The following PCDHGA1 variants were observed in gnomAD, a reference collection of about 807,000 sequenced individuals.
PCDHGA1 encodes the protein protocadherin gamma-A1.
In PCDHGA1, 32 loss-of-function variants were observed where a neutral mutation model predicts 58.0. The observed-to-expected ratio is 0.55, with a 90% CI of 0.42 to 0.74. The LOEUF (loss-of-function observed/expected upper bound fraction) is 0.74. Among genes scored for constraint, PCDHGA1 ranks in the 30% least tolerant of loss-of-function variants. The pLI, the probability that PCDHGA1 is intolerant of heterozygous loss-of-function variation, is 0.00. For synonymous variants in PCDHGA1, 498 were observed against 501.1 expected (o/e 0.99, Z 0.08); for missense variants, 1,205 against 1,182.3 (o/e 1.02, Z -0.28).
At chr5:141,356,833 A>G in intron 1 of PCDHGA1, 1 of 1,614,124 alleles carries the variant, frequency 6.2e-7, no homozygotes, top group South Asian at 1.1e-5. Context: ...ACTCAGCAGC[A>G]ATGTGTCACT....
chr5:141,339,712 C>T, intron 1 of PCDHGA1: 2 of 1,614,166 alleles, frequency 1.2e-6, no homozygotes, highest in African/African-American at 1.3e-5. Flanking sequence ...AGCCCGAGTA[C>T]CGCATAAGCA....
chr5:141,383,911 T>C, intron 1 of PCDHGA1: 1 of 1,613,926 alleles, frequency 6.2e-7, no homozygotes, highest in Non-Finnish European at 8.5e-7. Context: ...GATCACAGTT[T>C]TAGATGTAAA....
In PCDHGA1 at chr5:141,495,049, T is replaced by G. The variant is rs543734863; in HGVS notation, c.2480+184T>G. ...CCCCGGAAGGAAGAGGCGACTGCCC[T>G]GACTGTTCAGGAAGCTCAATTCACA... On this transcript the variant is annotated intron_variant, in intron 2 of 3. Coordinates refer to ENST00000517417, the MANE Select transcript of PCDHGA1 (RefSeq NM_018912.3). Among the ~76,000 whole-genome samples the G allele has an allele frequency of 5.6e-4, 86 of 152,312 alleles. 1 individual carries two copies. Among genetic ancestry groups the G allele is most frequent in the African/African-American group, 1.6e-3 (65 of 41,578 alleles).
intron 1 of PCDHGA1, chr5:141,410,752 G>GT: frequency 4.4e-6 from 5 of 1,130,822 alleles, no homozygotes; most frequent in Non-Finnish European, 5.8e-6. Context: ...TTTTCTCAAT[G>GT]TTTTTTCAAT....
intron 1 of PCDHGA1, chr5:141,372,537 C>T: frequency 1.2e-6 from 2 of 1,614,046 alleles, no homozygotes; most frequent in Non-Finnish European, 1.7e-6. Flanking sequence ...CTCCCTGCGC[C>T]TGCGATGCTC....
chr5:141,389,712 A>G, intron 1 of PCDHGA1: 1 of 1,612,620 alleles, frequency 6.2e-7, no homozygotes, highest in East Asian at 2.2e-5. Context: ...GCTGCAGGCT[A>G]GCGAGCCCGG....
At chr5:141,473,682 G>A (rs2099326903) in intron 1 of PCDHGA1, among the ~76,000 whole-genome samples, 1 of 152,186 alleles carries the variant, frequency 6.6e-6, no homozygotes, top group Admixed American at 6.5e-5. Context: ...GGGAAGGGCT[G>A]GGGTTCTGAC....
intron 1 of PCDHGA1, chr5:141,415,428 G>C (rs948747218): frequency 1.2e-6 from 2 of 1,614,088 alleles, no homozygotes; most frequent in Non-Finnish European, 1.7e-6. Context: ...ACGGGGTTCG[G>C]GCTTTCCTGC....
In PCDHGA1 at chr5:141,403,600, T is replaced by C. The variant is rs530169293; in HGVS notation, c.2421+70495T>C. 72 of 1,613,786 alleles carry C rather than the reference T, an allele frequency of 4.5e-5. 1 individual carries two copies. The East Asian group carries it at 1.6e-3, about 35-fold the overall frequency. On this transcript the variant is annotated intron_variant, in intron 1 of 3. Coordinates refer to ENST00000517417, the MANE Select transcript of PCDHGA1 (RefSeq NM_018912.3). ...ACCACCTGGTCCTCACGGCCTCGGATGGCGGCGAGCCGCGTCGCTCCAGCA... is the reference window on the plus strand; with the variant it reads ...ACCACCTGGTCCTCACGGCCTCGGACGGCGGCGAGCCGCGTCGCTCCAGCA...
rs185548582 is a variant in PCDHGA1, at chr5:141,333,246, C to A, written c.2421+141C>A. The A allele has an allele frequency of 2.7e-4, 327 of 1,230,666 alleles. 3 individuals are homozygous for A. The highest frequency in any genetic ancestry group is 3.4e-4 in the Non-Finnish European group (296 of 879,398). 76.2% of individuals were successfully genotyped at this position (1,230,666 alleles called of 1,614,324 possible). On this transcript the variant is annotated intron_variant, in intron 1 of 3. Transcript: ENST00000517417. ...TTTTATTACAAGTCCTGCAAAATCACGATTGAGTCTACACGTTCATATGCA... is the reference window on the plus strand; with the variant it reads ...TTTTATTACAAGTCCTGCAAAATCAAGATTGAGTCTACACGTTCATATGCA...
intron 1 of PCDHGA1, chr5:141,366,371 C>G (rs780787385): frequency 6.2e-7 from 1 of 1,613,992 alleles, no homozygotes; most frequent in Non-Finnish European, 8.5e-7. Context: ...TATCAAGACC[C>G]CCATTGACCC....
rs746487145 is a variant in PCDHGA1 at position 141,505,415 on chromosome 5, G to A, written c.2503G>A (p.Gly835Ser). 7.4e-6 allele frequency: 12 copies of A among 1,614,074 alleles called. No individual in the cohort carries two copies. The East Asian group carries it at 1.3e-4, about 18-fold the overall frequency. Residue 835 changes from glycine to serine, a missense_variant, in exon 3 of 4, where the codon GGC (glycine) becomes AGC (serine). Gly to Ser is a moderately conservative substitution (Grantham distance 56, BLOSUM62 0). Coordinates refer to ENST00000517417, the MANE Select transcript of PCDHGA1 (RefSeq NM_018912.3). ...CAGCTCCCAAAATGGCGATGACACC[G>A]GCACCTGGCCCAACAACCAGTTTGA... ...TSGSQNGDDT[G>S]TWPNNQFDTE...
intron 1 of PCDHGA1, chr5:141,343,904 C>T (rs188727434): frequency 3.6e-5 from 31 of 851,414 alleles, no homozygotes; most frequent in African/African-American, 2.9e-4. Flanking sequence ...CCAACCTCAC[C>T]TCTTAGTCAA....
At chr5:141,373,589 G>A (rs1769704620) in intron 1 of PCDHGA1, among the ~76,000 whole-genome samples, 2 of 152,242 alleles carry the variant, frequency 1.3e-5, no homozygotes, top group African/African-American at 2.4e-5. Flanking sequence ...GTGGTGAAAT[G>A]TGATGATAAT....
chr5:141,388,640 A>G (rs373553997), intron 1 of PCDHGA1: 3 of 1,613,844 alleles, frequency 1.9e-6, no homozygotes, highest in African/African-American at 2.7e-5. Context: ...TGAGCCTTTC[A>G]GAAAACGTGT....
At chr5:141,380,168 G>T (rs1204513654) in intron 1 of PCDHGA1, among the ~76,000 whole-genome samples, 1 of 152,074 alleles carries the variant, frequency 6.6e-6, no homozygotes, top group Non-Finnish European at 1.5e-5. Flanking sequence ...TCAAAGGGCT[G>T]GGATTACAGG....
In PCDHGA1 at chr5:141,431,584, G is replaced by C. The variant is rs201462681; in HGVS notation, c.2422-63223G>C. 5.0e-6 allele frequency: 8 copies of C among 1,614,192 alleles called. No individual in the cohort carries two copies. The Admixed American group carries it at 1.3e-4, about 27-fold the overall frequency. ...CCGACCCTGACGAAGGAGTCAATGC[G>C]GAAGTGAGGTATTCCTTCCGGTATG... On this transcript the variant is annotated intron_variant, in intron 1 of 3. Transcript: ENST00000517417. This position sits in a 1 kb window ranked among gnomAD's most constrained non-coding sequence, Gnocchi z 4.8.
chr5:141,348,006 G>T (rs536087157), intron 1 of PCDHGA1, among the ~76,000 whole-genome samples: 2 of 152,138 alleles, frequency 1.3e-5, no homozygotes, highest in African/African-American at 4.8e-5. Context: ...CAGCCTCTGC[G>T]GGAGATTTCC....
intron 1 of PCDHGA1, chr5:141,389,172 C>T: frequency 3.1e-6 from 5 of 1,614,036 alleles, no homozygotes; most frequent in Non-Finnish European, 4.2e-6. Context: ...CAAGCCTCCC[C>T]TCTCCTCCAG....
Sources: allele counts gnomAD v4.1 joint callset (sites outside exome capture counted in the v4.1 genomes callset), GRCh38; gene constraint gnomAD v4.1.1; non-coding constraint Gnocchi (gnomAD v3.1); transcripts MANE v1.5; gene names NCBI Gene and HGNC (gene_info 2026-07-23, HGNC 2026-07-21).